The following BTLA variants were observed in gnomAD, a reference collection of about 807,000 sequenced individuals.
The protein encoded by BTLA is B and T lymphocyte associated.
In BTLA, 11 loss-of-function variants were observed where a neutral mutation model predicts 25.0. That is an observed-to-expected ratio of 0.44 (90% CI 0.28 to 0.73). The LOEUF (loss-of-function observed/expected upper bound fraction) is 0.73. Ranked by LOEUF, BTLA falls within the 30% of genes least tolerant of loss-of-function variation. BTLA has a pLI of 0.15. For missense variants in BTLA, 282 were observed against 332.8 expected (o/e 0.85, Z 1.19); for synonymous variants, 104 against 119.8 (o/e 0.87, Z 0.86).
chr3:112,469,607 GTATATATATATATATATATA>G lies in BTLA; in HGVS notation c.594+131_594+150del, dbSNP rs60258722. 1.2e-3 allele frequency: 70 copies of G among 58,432 alleles called. 2 individuals carry two copies. The South Asian group carries it at 0.014, about 12-fold the overall frequency. The allele number at this position is 58,432 out of a possible 1,614,324, so 3.6% of individuals were successfully genotyped here. On this transcript the variant is annotated intron_variant, in intron 4 of 4. Transcript: ENST00000334529. ...TTCACATTTTTAAAAATGGGTCTAT[GTATATATATATATATATATA>G]TATATATATATATATATATATAGTA...
intron 2 of BTLA, among the ~76,000 whole-genome samples, chr3:112,475,478 G>C (rs2082284271): frequency 1.3e-5 from 2 of 152,110 alleles, no homozygotes; most frequent in African/African-American, 4.8e-5. Context: ...ATAGATTGTT[G>C]ATCCTAATCT....
At position 112,469,760 on chromosome 3, in the gene BTLA, G is replaced by A. The variant is rs748234322; in HGVS notation, c.592C>T (p.Leu198=). 5 of 1,600,392 alleles carry A rather than the reference G, an allele frequency of 3.1e-6. No homozygotes were observed. Among genetic ancestry groups the A allele is most frequent in the Non-Finnish European group, 4.3e-6 (5 of 1,173,840 alleles). The change falls in exon 4 of 5, where the codon CTG becomes TTG. Residue 198 remains leucine, a splice_region_variant and synonymous_variant. Transcript: ENST00000334529. ...LSDTAGREIN[L]VDAHLKSEQT... is the part of the protein sequence containing the mutation. ...TTCAACAGCTACATCAAGCTTACCA[G>A]GTTAATTTCCCTTCCTGCTGTGTCA...
intron 3 of BTLA, chr3:112,470,396 T>G (rs1044216181): frequency 1.3e-5 from 2 of 152,368 alleles, no homozygotes; most frequent in African/African-American, 4.8e-5. Flanking sequence ...TCAAAGGTTA[T>G]TCCTGTGTCA....
chr3:112,467,480 G>A (rs183713662), intron 4 of BTLA, among the ~76,000 whole-genome samples: 3 of 152,144 alleles, frequency 2.0e-5, no homozygotes, highest in Admixed American at 6.5e-5. Flanking sequence ...ATCGATTTCC[G>A]TTCTTGACAT....
At position 112,488,413 on chromosome 3, in the gene BTLA, G is replaced by A. The variant is rs981819439; in HGVS notation, c.89-8644C>T. On this transcript the variant is annotated intron_variant, in intron 1 of 4. Transcript: ENST00000334529. ...AATTTTTTGTATTTTTAGTAGAGAC[G>A]GGGTTTTACCCGGTTAACCAGGATG... 3.3e-5 allele frequency among the ~76,000 whole-genome samples: 5 copies of A among 152,026 alleles called. No individual in the cohort carries two copies. The East Asian group carries it at 7.7e-4, about 24-fold the overall frequency.
At chr3:112,498,491 G>A (rs956190799) in intron 1 of BTLA, among the ~76,000 whole-genome samples, 13 of 151,196 alleles carry the variant, frequency 8.6e-5, no homozygotes, top group African/African-American at 3.2e-4. Flanking sequence ...GCCACTCATA[G>A]GCTTTTCCTC....
chr3:112,488,404 A>G (rs970396712), intron 1 of BTLA, among the ~76,000 whole-genome samples: 2 of 151,630 alleles, frequency 1.3e-5, no homozygotes, highest in Non-Finnish European at 2.9e-5. Context: ...TTGTATTTTT[A>G]GTAGAGACGG....
chr3:112,485,185 C>T (rs1426520774), intron 1 of BTLA, among the ~76,000 whole-genome samples: 1 of 151,632 alleles, frequency 6.6e-6, no homozygotes, highest in African/African-American at 2.4e-5. Flanking sequence ...GCTGGGATTA[C>T]AGGCACCCAC....
At chr3:112,496,132 T>TC (rs1358467789) in intron 1 of BTLA, among the ~76,000 whole-genome samples, 1 of 152,186 alleles carries the variant, frequency 6.6e-6, no homozygotes, top group East Asian at 1.9e-4. Context: ...AAAAGTGGAA[T>TC]CCTTGGTTGA....
At position 112,479,646 on chromosome 3, in the gene BTLA, C is replaced by T. The variant is rs775344957; in HGVS notation, c.212G>A (p.Trp71Ter). The T allele has an allele frequency of 1.2e-6, 2 of 1,614,086 alleles. No individual in the cohort carries two copies. Among genetic ancestry groups the T allele is most frequent in the South Asian group, 1.1e-5 (1 of 91,070 alleles). ...ACATGTTGTTCCATTGAGCTTGCACCAAGTCACATGAGGCCTGTTAGCACA... is the reference window on the plus strand; with the variant it reads ...ACATGTTGTTCCATTGAGCTTGCACTAAGTCACATGAGGCCTGTTAGCACA... ...KYCANRPHVT[W>*]CKLNGTTCVK... Residue 71 changes from tryptophan (W) to a stop codon, truncating the protein, a stop_gained, in exon 2 of 5, where the codon TGG becomes TAG. Coordinates refer to ENST00000334529, the MANE Select transcript of BTLA (RefSeq NM_181780.4). LOFTEE classifies it high-confidence loss of function.
At position 112,465,768 on chromosome 3, in the gene BTLA, C is replaced by A. The variant is rs1236706697; in HGVS notation, c.*340G>T. On this transcript the variant is annotated 3_prime_UTR_variant, in exon 5 of 5. Transcript: ENST00000334529. The stretch of plus-strand genomic sequence containing the variant: ...GATGCAGGTAACACAAACCTCTTTT[C>A]CCTACAAGTCTTTCCAATAGCTTCA... 5.7e-6 allele frequency: 1 copy of A among 176,376 alleles called. No homozygotes were observed. Among genetic ancestry groups the A allele is most frequent in the East Asian group, 1.5e-4 (1 of 6,706 alleles). The allele number at this position is 176,376 out of a possible 1,614,324, so 10.9% of individuals were successfully genotyped here. A position where few individuals can be genotyped will look rare whatever the true frequency, so the allele number is the denominator to read the frequency against.
At chr3:112,489,957 C>T (rs189150586) in intron 1 of BTLA, among the ~76,000 whole-genome samples, 1 of 152,290 alleles carries the variant, frequency 6.6e-6, no homozygotes, top group East Asian at 1.9e-4. Flanking sequence ...GTGGTTTGTA[C>T]ATAGTCAGGG....
intron 1 of BTLA, among the ~76,000 whole-genome samples, chr3:112,495,576 C>G (rs892297108): frequency 6.6e-6 from 1 of 152,198 alleles, no homozygotes; most frequent in Non-Finnish European, 1.5e-5. Flanking sequence ...TTCAAGAAGT[C>G]CTGTAACCAC....
In BTLA at chr3:112,464,141, T is replaced by C. The variant is rs1345929364; in HGVS notation, c.*1967A>G. The C allele has an allele frequency of 2.5e-5, 10 of 398,080 alleles. No individual in the cohort carries two copies. Among genetic ancestry groups the C allele is most frequent in the Middle Eastern group, 6.3e-4 (1 of 1,582 alleles). The allele number at this position is 398,080 out of a possible 1,614,324, so 24.7% of individuals were successfully genotyped here. ...AGAGTCATTTGGGAAAATGCATGTA[T>C]GTCTCTGACACCATTTTGAAAAGGA... On this transcript the variant is annotated 3_prime_UTR_variant, in exon 5 of 5. Transcript: ENST00000334529.
intron 2 of BTLA, among the ~76,000 whole-genome samples, chr3:112,476,731 T>C (rs1246249709): frequency 6.6e-6 from 1 of 152,188 alleles, no homozygotes; most frequent in Non-Finnish European, 1.5e-5. Flanking sequence ...AAATGTACAA[T>C]TAAATGGCAT....
rs765213409 is a variant in BTLA, at chr3:112,479,634, T to C, written c.224A>G (p.Asn75Ser). The C allele has an allele frequency of 8.1e-6, 13 of 1,614,040 alleles. No homozygotes were observed. Among genetic ancestry groups the C allele is most frequent in the Admixed American group, 5.0e-5 (3 of 59,996 alleles). ...NRPHVTWCKL[N>S]GTTCVKLEDR... is the part of the protein sequence containing the mutation. ...TTCAAGTTTTACACATGTTGTTCCA[T>C]TGAGCTTGCACCAAGTCACATGAGG... Residue 75 changes from asparagine (N) to serine (S), a missense_variant, in exon 2 of 5, where the codon AAT becomes AGT. Around this residue, in one of 2 missense-constraint regions of BTLA, gnomAD observed 163 missense variants for 230.4 expected, o/e 0.71. Coordinates refer to ENST00000334529, the MANE Select transcript of BTLA (RefSeq NM_181780.4).
intron 1 of BTLA, among the ~76,000 whole-genome samples, chr3:112,482,119 G>A (rs1032176484): frequency 6.6e-6 from 1 of 152,144 alleles, no homozygotes; most frequent in Non-Finnish European, 1.5e-5. Context: ...TTAAGGCTAA[G>A]CACGTGATCC....
chr3:112,492,711 A>G (rs1020001553), intron 1 of BTLA, among the ~76,000 whole-genome samples: 1 of 152,212 alleles, frequency 6.6e-6, no homozygotes, highest in African/African-American at 2.4e-5. Flanking sequence ...ATGTCTTCCA[A>G]TATTAATTCT....
At position 112,490,667 on chromosome 3, in the gene BTLA, G is replaced by A. The variant is rs555670654; in HGVS notation, c.88+8604C>T. On this transcript the variant is annotated intron_variant, in intron 1 of 4. Transcript: ENST00000334529. ...ATGTAAAATTTCCTTCACAAAAATGGAACTGGAAAGTATTAATGCCAAGAA... is the reference window on the plus strand; with the variant it reads ...ATGTAAAATTTCCTTCACAAAAATGAAACTGGAAAGTATTAATGCCAAGAA... 1.6e-3 allele frequency among the ~76,000 whole-genome samples: 234 copies of A among 146,170 alleles called. 2 individuals are homozygous for A. The highest frequency in any genetic ancestry group is 5.7e-3 in the African/African-American group (225 of 39,516).
Sources: gnomAD v4.1 joint callset for allele counts (sites outside exome capture counted in the v4.1 genomes callset) on GRCh38, gnomAD v4.1.1 for gene constraint, gnomAD v4.1.1 regional missense constraint, MANE v1.5 for transcripts, NCBI Gene and HGNC (gene_info 2026-07-23, HGNC 2026-07-21) for gene names.